The following ADAMTS20 variants were observed in gnomAD, a reference collection of about 807,000 sequenced individuals.
The protein encoded by ADAMTS20 is ADAM metallopeptidase with thrombospondin type 1 motif 20.
ADAMTS20 carries 225 observed loss-of-function variants against 260.1 expected under a neutral mutation model. That is an observed-to-expected ratio of 0.87 (90% CI 0.78 to 0.97). The LOEUF is 0.97. ADAMTS20 is among the 50% of genes least tolerant of loss of function. The probability of loss-of-function intolerance (pLI) is 0.00; values close to 1 mark genes in which losing one functional copy is unlikely to be tolerated. For missense variants in ADAMTS20, 2,400 were observed against 2,337.7 expected (o/e 1.03, Z -0.55); for synonymous variants, 802 against 769.5 (o/e 1.04, Z -0.70).
At chr12:43,392,751 T>C (rs908274499) in intron 29 of ADAMTS20, among the ~76,000 whole-genome samples, 1 of 152,100 alleles carries the variant, frequency 6.6e-6, no homozygotes, top group Admixed American at 6.6e-5. Flanking sequence ...TGAATCATTC[T>C]GGTTCTGTGA....
chr12:43,498,183 C>T (rs1360585646), intron 4 of ADAMTS20, among the ~76,000 whole-genome samples: 1 of 152,038 alleles, frequency 6.6e-6, no homozygotes, highest in African/African-American at 2.4e-5. Flanking sequence ...ATTCCAGAAA[C>T]CTTTAAGTAA....
At chr12:43,494,537 A>G (rs1464759994) in intron 4 of ADAMTS20, among the ~76,000 whole-genome samples, 1 of 152,146 alleles carries the variant, frequency 6.6e-6, no homozygotes, top group Non-Finnish European at 1.5e-5. Context: ...TGCAGCCTCA[A>G]ATATTTACAG....
rs1209227833 is a variant in ADAMTS20 at position 43,545,243 on chromosome 12, AGAG to A, written c.453+5663_453+5665del. 5.3e-5 allele frequency among the ~76,000 whole-genome samples: 8 copies of A among 152,332 alleles called. No individual in the cohort carries two copies. In the East Asian group the frequency reaches 1.2e-3, roughly 22 times the overall value. On this transcript the variant is annotated intron_variant, in intron 2 of 38. Transcript: ENST00000389420. Reference sequence around the variant, plus strand: ...CCTGTACCCTGCACAATGGTGCATAAGAGGAGATGTGCCTCCTAATACATTGAA... The same window carrying A: ...CCTGTACCCTGCACAATGGTGCATAAGAGATGTGCCTCCTAATACATTGAA...
chr12:43,354,393 A>C (rs1939700887), intron 38 of ADAMTS20, 95 bp from the exon 39 acceptor site: 2 of 850,786 alleles, frequency 2.4e-6, no homozygotes, highest in South Asian at 3.2e-5. Flanking sequence ...TCATATGGCT[A>C]AAATCATTAG....
intron 32 of ADAMTS20, 123 bp downstream of exon 32, chr12:43,377,242 T>G (rs1055814282): frequency 6.8e-6 from 5 of 737,646 alleles, no homozygotes; most frequent in East Asian, 2.8e-5. Flanking sequence ...GTAATGTGGA[T>G]TTTAGAAAAT....
chr12:43,423,672 G>A, intron 28 of ADAMTS20: 1 of 696,896 alleles, frequency 1.4e-6, no homozygotes, highest in Non-Finnish European at 2.6e-6. Flanking sequence ...TCCAATCTAA[G>A]ATAGCTAATA....
At chr12:43,447,959 G>C (rs1941793209) in intron 14 of ADAMTS20, among the ~76,000 whole-genome samples, 1 of 151,890 alleles carries the variant, frequency 6.6e-6, no homozygotes, top group Admixed American at 6.6e-5. Context: ...TCTACAATGA[G>C]AATTATAAAA....
chr12:43,541,109 A>G (rs1313053837), intron 2 of ADAMTS20, among the ~76,000 whole-genome samples: 1 of 152,170 alleles, frequency 6.6e-6, no homozygotes, highest in Non-Finnish European at 1.5e-5. Flanking sequence ...TCTTTTCCCA[A>G]ATCATTTATA....
chr12:43,360,268 G>C (rs981328683), intron 37 of ADAMTS20, among the ~76,000 whole-genome samples: 1 of 152,032 alleles, frequency 6.6e-6, no homozygotes, highest in East Asian at 1.9e-4. Context: ...GGCCAACAGG[G>C]TGAAACCCTG....
intron 6 of ADAMTS20, among the ~76,000 whole-genome samples, chr12:43,492,119 G>A (rs1250043349): frequency 3.3e-5 from 5 of 152,154 alleles, no homozygotes; most frequent in African/African-American, 9.7e-5. Flanking sequence ...GGTGGCTCAC[G>A]CCTGTAATCC....
intron 2 of ADAMTS20, among the ~76,000 whole-genome samples, chr12:43,538,425 C>T (rs1943326829): frequency 6.6e-6 from 1 of 152,194 alleles, no homozygotes; most frequent in African/African-American, 2.4e-5. Context: ...TTAATCCTTT[C>T]CCAAATGGGT....
chr12:43,427,165 C>T (rs906752452), intron 27 of ADAMTS20, 143 bp downstream of exon 27: 3 of 874,906 alleles, frequency 3.4e-6, no homozygotes, highest in African/African-American at 3.5e-5. Flanking sequence ...AGAGTGAGAC[C>T]CTGTCTCCAA....
Position 43,551,938 on chromosome 12 carries a change from C to A in ADAMTS20, c.-17G>T, listed in dbSNP as rs780612327. On this transcript the variant is annotated 5_prime_UTR_variant, in exon 1 of 39. Transcript: ENST00000389420. The surrounding 1 kb of genome is among the most constrained non-coding windows in gnomAD (Gnocchi z 4.6). ...CACCCACATGGTTCCACCCTGGGGACCCCGATCGGGGAGGCCCACCAGAGC... is the reference window on the plus strand; with the variant it reads ...CACCCACATGGTTCCACCCTGGGGAACCCGATCGGGGAGGCCCACCAGAGC... 2.5e-6 allele frequency: 4 copies of A among 1,611,854 alleles called. No homozygotes were observed. Among genetic ancestry groups the A allele is most frequent in the South Asian group, 1.1e-5 (1 of 91,050 alleles).
chr12:43,411,609 C>T (rs1941033537), intron 28 of ADAMTS20, among the ~76,000 whole-genome samples: 1 of 151,988 alleles, frequency 6.6e-6, no homozygotes, highest in African/African-American at 2.4e-5. Context: ...CTCAGGTGAT[C>T]CACCCACCTC....
chr12:43,402,687 G>GT (rs1188573745), intron 28 of ADAMTS20, among the ~76,000 whole-genome samples: 4 of 152,008 alleles, frequency 2.6e-5, no homozygotes, highest in Admixed American at 2.0e-4. Context: ...CAAACATGCA[G>GT]TTTTTTCTTC....
intron 18 of ADAMTS20, among the ~76,000 whole-genome samples, chr12:43,435,926 A>C (rs1203263243): frequency 2.0e-5 from 3 of 152,178 alleles, no homozygotes; most frequent in African/African-American, 7.2e-5. Flanking sequence ...AAAGAGTTTA[A>C]GCAGTCAGTG....
At chr12:43,460,852 G>A (rs1942046284) in intron 11 of ADAMTS20, among the ~76,000 whole-genome samples, 1 of 149,968 alleles carries the variant, frequency 6.7e-6, no homozygotes, top group South Asian at 2.1e-4. Context: ...AGATGACGCT[G>A]TATAGTTCTA....
At chr12:43,502,495 TA>T (rs1478385533) in intron 3 of ADAMTS20, 90 bp from the exon 4 acceptor site, 1 of 1,165,078 alleles carries the variant, frequency 8.6e-7, no homozygotes, top group Non-Finnish European at 1.2e-6. Context: ...AAATATTTAA[TA>T]CTTACATATC....
chr12:43,376,272 A>G lies in ADAMTS20; in HGVS notation c.5184T>C (p.Gly1728=), dbSNP rs889012400. Residue 1728 remains glycine (G), a synonymous_variant, in exon 34 of 39, where the codon GGT becomes GGC. Transcript: ENST00000389420. The part of the protein sequence containing the change: ...IQVKNHIRKD[G]DYYLNIKGRI... ...TTCCCTTAATGTTAAGGTAATAGTC[A>G]CCATCCTTTCTAATGTGGTTTTTCA... 6 of 1,555,916 alleles carry G rather than the reference A, an allele frequency of 3.9e-6. No individual in the cohort carries two copies. The Admixed American group carries it at 9.7e-5, about 25-fold the overall frequency.
Sources: allele counts gnomAD v4.1 joint callset (sites outside exome capture counted in the v4.1 genomes callset), GRCh38; gene constraint gnomAD v4.1.1; non-coding constraint Gnocchi (gnomAD v3.1); transcripts MANE v1.5; gene names NCBI Gene and HGNC (gene_info 2026-07-23, HGNC 2026-07-21).